The following PTBP3 variants were observed in gnomAD, a reference collection of about 807,000 sequenced individuals.
PTBP3 encodes polypyrimidine tract-binding protein 3.
A neutral mutation model predicts 58.7 loss-of-function variants in PTBP3; 20 were observed. The observed-to-expected ratio is 0.34, with a 90% CI of 0.24 to 0.50. The LOEUF (loss-of-function observed/expected upper bound fraction) is 0.50, where lower values mean the gene tolerates loss of function less well. Ranked by LOEUF, PTBP3 falls within the 20% of genes least tolerant of loss-of-function variation. PTBP3 has a pLI of 0.98. For missense variants in PTBP3, 509 were observed against 637.2 expected (o/e 0.80, Z 2.17); for synonymous variants, 185 against 219.8 (o/e 0.84, Z 1.40).
intron 5 of PTBP3, among the ~76,000 whole-genome samples, chr9:112,260,258 C>A (rs1287286719): frequency 6.6e-6 from 1 of 152,124 alleles, no homozygotes; most frequent in Non-Finnish European, 1.5e-5. Context: ...TTAATGAGTA[C>A]TTTAAATGTA....
chr9:112,319,480 A>G lies in PTBP3; in HGVS notation c.-52+13990T>C, dbSNP rs115844452. ...GTTTAACATCACTAATCATCAAGACACTACAAATTAAAACCACAAGGAAAT... is the reference window on the plus strand; with the variant it reads ...GTTTAACATCACTAATCATCAAGACGCTACAAATTAAAACCACAAGGAAAT... On this transcript the variant is annotated intron_variant, in intron 1 of 13. Transcript: ENST00000374257. Among the ~76,000 whole-genome samples, 497 of 152,350 alleles carry G rather than the reference A, an allele frequency of 3.3e-3. 5 individuals carry two copies. Among genetic ancestry groups the G allele is most frequent in the African/African-American group, 0.011 (469 of 41,582 alleles).
chr9:112,285,855 T>C (rs1039398019), intron 2 of PTBP3, among the ~76,000 whole-genome samples: 11 of 152,262 alleles, frequency 7.2e-5, no homozygotes, highest in East Asian at 1.9e-4. Flanking sequence ...CCCTGTTCTA[T>C]ACCTTTACTG....
At position 112,234,858 on chromosome 9, in the gene PTBP3, G is replaced by T; in HGVS notation, c.842C>A (p.Ala281Asp). ...GIISSPYAGA[A>D]GFAPAIGFPQ... ...AAATCCAATGGCTGGGGCAAATCCA[G>T]CAGCCCCTGCATATGGTGAAGAAAT... The change falls in exon 8 of 14, where the codon GCT (alanine) becomes GAT (aspartate). Residue 281 changes from alanine (A) to aspartate (D), a missense_variant. Coordinates refer to ENST00000374257, the MANE Select transcript of PTBP3 (RefSeq NM_001163788.4). 6.2e-7 allele frequency: 1 copy of T among 1,612,974 alleles called. No individual in the cohort carries two copies. Among genetic ancestry groups the T allele is most frequent in the Non-Finnish European group, 8.5e-7 (1 of 1,179,244 alleles).
intron 3 of PTBP3, among the ~76,000 whole-genome samples, chr9:112,270,848 TG>T (rs1270822549): frequency 1.3e-5 from 2 of 152,182 alleles, no homozygotes; most frequent in Non-Finnish European, 2.9e-5. Context: ...GTAGGAGTCT[TG>T]CTCTGTAGCC....
At chr9:112,316,764 G>A (rs1422926072) in intron 1 of PTBP3, among the ~76,000 whole-genome samples, 1 of 151,246 alleles carries the variant, frequency 6.6e-6, no homozygotes, top group Non-Finnish European at 1.5e-5. Context: ...CTAAGGTCAG[G>A]AGGTCAAGAG....
rs565461854 is a variant in PTBP3, at chr9:112,307,161, A to G, written c.-51-9245T>C. On this transcript the variant is annotated intron_variant, in intron 1 of 13. Coordinates refer to ENST00000374257, the MANE Select transcript of PTBP3 (RefSeq NM_001163788.4). ...ATTACACATCAAGAACAATTAAAATATAAGATATTTGCCAGGCGCGGTGGC... is the reference window on the plus strand; with the variant it reads ...ATTACACATCAAGAACAATTAAAATGTAAGATATTTGCCAGGCGCGGTGGC... Among the ~76,000 whole-genome samples the G allele has an allele frequency of 1.5e-4, 23 of 152,324 alleles. No homozygotes were observed. In the East Asian group the frequency reaches 3.9e-3, roughly 26 times the overall value.
chr9:112,370,609 T>C, the PTBP3 span, among the ~76,000 whole-genome samples: 4 of 152,204 alleles, frequency 2.6e-5, no homozygotes, highest in Admixed American at 2.0e-4. Flanking sequence ...GTCTTAGCTA[T>C]TGGGGATGTC....
At chr9:112,376,242 A>C in the PTBP3 span, among the ~76,000 whole-genome samples, 1 of 76,196 alleles carries the variant, frequency 1.3e-5, no homozygotes, top group East Asian at 4.8e-4. Context: ...TGTGTAGGGG[A>C]GTTTATTAAG....
the PTBP3 span, among the ~76,000 whole-genome samples, chr9:112,374,768 T>C: frequency 6.6e-6 from 1 of 152,248 alleles, no homozygotes; most frequent in African/African-American, 2.4e-5. Flanking sequence ...ATGGTAGTCT[T>C]GGCAGAAGCA....
the PTBP3 span, among the ~76,000 whole-genome samples, chr9:112,356,869 TC>T: frequency 8.9e-5 from 9 of 100,876 alleles, no homozygotes; most frequent in African/African-American, 3.4e-4. Context: ...TATATTCATT[TC>T]CCTCTTTTTT....
upstream of PTBP3, among the ~76,000 whole-genome samples, chr9:112,334,194 G>A (rs894857602): frequency 6.6e-6 from 1 of 152,074 alleles, no homozygotes; most frequent in Non-Finnish European, 1.5e-5. Context: ...CATAGGTGTG[G>A]CTGGGACGAT....
Position 112,234,813 on chromosome 9 carries a change from G to C in PTBP3, c.880+7C>G. ...AAGTCATTTCAAATCCAACTTAAAA[G>C]AATCACCTGTAGCTTGAGGAAATCC... On this transcript the variant is annotated splice_region_variant and intron_variant, in intron 8 of 13. Coordinates refer to ENST00000374257, the MANE Select transcript of PTBP3 (RefSeq NM_001163788.4). The C allele has an allele frequency of 1.2e-6, 2 of 1,604,818 alleles. No individual in the cohort carries two copies. The highest frequency in any genetic ancestry group is 1.7e-6 in the Non-Finnish European group (2 of 1,172,114).
chr9:112,374,029 G>C, the PTBP3 span, among the ~76,000 whole-genome samples: 1 of 152,066 alleles, frequency 6.6e-6, no homozygotes, highest in Non-Finnish European at 1.5e-5. Flanking sequence ...TGAAGGGTCT[G>C]GGCCATTTAT....
chr9:112,233,324 A>G (rs1484848677), intron 8 of PTBP3, among the ~76,000 whole-genome samples: 1 of 147,858 alleles, frequency 6.8e-6, no homozygotes, highest in Non-Finnish European at 1.5e-5. Context: ...TGTATCTTCT[A>G]TCAGCTTAAA....
At chr9:112,253,830 C>T (rs138934732) in intron 5 of PTBP3, among the ~76,000 whole-genome samples, 121 of 152,296 alleles carry the variant, frequency 7.9e-4, no homozygotes, top group African/African-American at 2.7e-3. Context: ...CTGTAAGTTT[C>T]CTGAAGCCTC....
chr9:112,371,970 C>T, the PTBP3 span, among the ~76,000 whole-genome samples: 14 of 152,076 alleles, frequency 9.2e-5, no homozygotes, highest in Admixed American at 2.6e-4. Flanking sequence ...GTTTATTCTT[C>T]ATTGCTTAGG....
chr9:112,315,021 C>G (rs974687446), intron 1 of PTBP3, among the ~76,000 whole-genome samples: 3 of 151,912 alleles, frequency 2.0e-5, no homozygotes, highest in Non-Finnish European at 2.9e-5. Context: ...TTAGTAGAGA[C>G]GGAGTGTCAC....
In PTBP3 at chr9:112,296,853, A is replaced by G. The variant is rs1002383991; in HGVS notation, c.34+979T>C. On this transcript the variant is annotated intron_variant, in intron 2 of 13. Transcript: ENST00000374257. ...GTCCAAGTTCAAAACCTGGAAATCA[A>G]TGGTGATATCCCTTATTCAAACATT... is the stretch of plus-strand genomic sequence containing the variant. 3.2e-4 allele frequency among the ~76,000 whole-genome samples: 48 copies of G among 152,222 alleles called. 1 individual carries two copies. Among genetic ancestry groups the G allele is most frequent in the African/African-American group, 1.1e-3 (45 of 41,466 alleles).
chr9:112,371,775 C>T, the PTBP3 span, among the ~76,000 whole-genome samples: 1 of 151,408 alleles, frequency 6.6e-6, no homozygotes, highest in Non-Finnish European at 1.5e-5. Context: ...ACTCTGTCAC[C>T]TAGGCTAGAG....
Sources: gnomAD v4.1 joint callset for allele counts (sites outside exome capture counted in the v4.1 genomes callset) on GRCh38, gnomAD v4.1.1 for gene constraint, MANE v1.5 for transcripts, NCBI Gene and HGNC (gene_info 2026-07-23, HGNC 2026-07-21) for gene names.